MRTFA: variants seen among roughly 807,000 people sequenced by gnomAD.
MRTFA encodes myocardin related transcription factor A, also known as myocardin-related transcription factor A.
Under a neutral mutation model 83.5 loss-of-function variants are expected in MRTFA, and 20 were observed. The observed-to-expected ratio is 0.24, with a 90% CI of 0.17 to 0.35. The LOEUF is 0.35. MRTFA is among the 10% of genes least tolerant of loss of function. The pLI is 1.00. For synonymous variants in MRTFA, 659 were observed against 541.2 expected (o/e 1.22, Z -3.02); for missense variants, 1,200 against 1,224.7 (o/e 0.98, Z 0.30).
intron 4 of MRTFA, among the ~76,000 whole-genome samples, chr22:40,458,926 T>G (rs1208773162): frequency 6.6e-6 from 1 of 151,790 alleles, no homozygotes; most frequent in African/African-American, 2.4e-5. Flanking sequence ...ATACAAAAAT[T>G]AGCTGGGTAT....
intron 3 of MRTFA, among the ~76,000 whole-genome samples, chr22:40,539,775 T>C (rs2055256774): frequency 6.6e-6 from 1 of 152,160 alleles, no homozygotes; most frequent in Admixed American, 6.5e-5. Context: ...GTGCTGGGAT[T>C]ACAGGCACGA....
intron 7 of MRTFA, among the ~76,000 whole-genome samples, chr22:40,425,130 G>A (rs1489953974): frequency 1.3e-5 from 2 of 152,252 alleles, no homozygotes; most frequent in Non-Finnish European, 2.9e-5. Context: ...AGCTCTGGAT[G>A]ACTGTGAATG....
chr22:40,453,385 G>A (rs1384022977), intron 4 of MRTFA, among the ~76,000 whole-genome samples: 7 of 152,206 alleles, frequency 4.6e-5, no homozygotes, highest in African/African-American at 7.2e-5. Flanking sequence ...GCGGGAGTCC[G>A]AGGGCACTGA....
At chr22:40,447,925 C>T (rs761385022) in intron 4 of MRTFA, among the ~76,000 whole-genome samples, 11 of 152,098 alleles carry the variant, frequency 7.2e-5, no homozygotes, top group Non-Finnish European at 1.2e-4. Flanking sequence ...GTGATATGCC[C>T]GGTGTGGTTG....
intron 3 of MRTFA, among the ~76,000 whole-genome samples, chr22:40,524,967 C>G (rs2054940306): frequency 6.6e-6 from 1 of 152,118 alleles, no homozygotes; most frequent in Admixed American, 6.5e-5. Context: ...GCCACCACAC[C>G]CAGCTAATTT....
At chr22:40,573,502 G>A (rs1361688229) in intron 2 of MRTFA, among the ~76,000 whole-genome samples, 5 of 152,180 alleles carry the variant, frequency 3.3e-5, no homozygotes. Context: ...TGATCTGCCT[G>A]CCTTAGCCTC....
chr22:40,617,119 A>T (rs2056457842), intron 1 of MRTFA, among the ~76,000 whole-genome samples: 1 of 144,564 alleles, frequency 6.9e-6, no homozygotes, highest in Non-Finnish European at 1.5e-5. Flanking sequence ...GAAAAGCAAG[A>T]CGAAAGAAAG....
At chr22:40,634,598 CTG>C (rs1315419331) in intron 1 of MRTFA, among the ~76,000 whole-genome samples, 1 of 152,214 alleles carries the variant, frequency 6.6e-6, no homozygotes, top group Non-Finnish European at 1.5e-5. Flanking sequence ...TCCCACTAGA[CTG>C]TGAGCTCCTC....
intron 1 of MRTFA, among the ~76,000 whole-genome samples, chr22:40,613,425 T>C (rs2056410008): frequency 6.6e-6 from 1 of 152,232 alleles, no homozygotes; most frequent in African/African-American, 2.4e-5. Context: ...CTTTCCAAAG[T>C]GGCTGTACCA....
At chr22:40,627,509 C>T (rs535755785) in intron 1 of MRTFA, among the ~76,000 whole-genome samples, 5 of 152,322 alleles carry the variant, frequency 3.3e-5, no homozygotes, top group African/African-American at 9.6e-5. Context: ...ATAATGAATA[C>T]CGCACAGAAT....
At chr22:40,528,678 G>A (rs566423236) in intron 3 of MRTFA, among the ~76,000 whole-genome samples, 1 of 151,266 alleles carries the variant, frequency 6.6e-6, no homozygotes, top group African/African-American at 2.4e-5. Context: ...TGGAGGCTGC[G>A]GTGAGCCGAG....
In MRTFA at chr22:40,431,461, C is replaced by T. The variant is rs867777031; in HGVS notation, c.383G>A (p.Arg128Gln). ...TCTCTCCGGCCGGGAACGAATCTTC[C>T]GTTTGAGATAGTCCTCTGTCTACAG... The change falls in exon 6 of 15, where the codon CGG becomes CAG. Residue 128 changes from arginine to glutamine, a missense_variant. Physicochemically the swap from Arg to Gln is conservative, Grantham distance 43 (BLOSUM62 1). Around this residue, in one of 2 missense-constraint regions of MRTFA, gnomAD observed 93 missense variants for 182.9 expected, o/e 0.51. Coordinates refer to ENST00000355630, the MANE Select transcript of MRTFA (RefSeq NM_020831.6). 3.7e-6 allele frequency: 6 copies of T among 1,613,892 alleles called. No homozygotes were observed. The African/African-American group carries it at 5.3e-5, about 14-fold the overall frequency.
rs949591139 is a variant in MRTFA, at chr22:40,410,291, G to GTGTT, written c.*1095_*1098dup. On this transcript the variant is annotated 3_prime_UTR_variant, in exon 15 of 15. Coordinates refer to ENST00000355630, the MANE Select transcript of MRTFA (RefSeq NM_020831.6). ...CTGAATAAGATGGACTAACAGGCCT[G>GTGTT]TGTTTTTGTGTTTATTTTAAAAAGT... is the stretch of plus-strand genomic sequence containing the variant. The GTGTT allele has an allele frequency of 4.3e-5, 24 of 561,582 alleles. No homozygotes were observed. The highest frequency in any genetic ancestry group is 3.7e-4 in the African/African-American group (19 of 51,126). 34.8% of individuals were successfully genotyped at this position (561,582 alleles called of 1,614,324 possible). A position where few individuals can be genotyped will look rare whatever the true frequency, so the allele number is the denominator to read the frequency against.
chr22:40,459,816 C>CAT (rs1360700440), intron 4 of MRTFA, among the ~76,000 whole-genome samples: 14 of 94,350 alleles, frequency 1.5e-4, no homozygotes, highest in South Asian at 8.6e-4. Flanking sequence ...CACACACACA[C>CAT]ACACACATAT....
At chr22:40,428,475 CAA>C (rs1171030331) in intron 7 of MRTFA, among the ~76,000 whole-genome samples, 1 of 152,168 alleles carries the variant, frequency 6.6e-6, no homozygotes, top group Non-Finnish European at 1.5e-5. Flanking sequence ...CCAAGTGTGC[CAA>C]GAGGCCCTGC....
intron 3 of MRTFA, among the ~76,000 whole-genome samples, chr22:40,486,392 G>C (rs994861764): frequency 5.3e-5 from 8 of 152,186 alleles, no homozygotes; most frequent in African/African-American, 1.9e-4. Context: ...TTTATTCAAT[G>C]AATCTAATTA....
chr22:40,549,555 G>A (rs2047665854), intron 3 of MRTFA, among the ~76,000 whole-genome samples: 1 of 152,176 alleles, frequency 6.6e-6, no homozygotes. Context: ...TGAGCAAGGG[G>A]AAGGGAGTAT....
rs1428333070 is a variant in MRTFA, at chr22:40,471,221, A to T, written c.242-7935T>A. On this transcript the variant is annotated intron_variant, in intron 3 of 14. Transcript: ENST00000355630. ...ACATGACAAAGCCCTGTTTCTATTA[A>T]AAAAAAAAAAAAAAAAAAAAAAAAA... 7.0e-3 allele frequency among the ~76,000 whole-genome samples: 62 copies of T among 8,884 alleles called. 2 individuals carry two copies. In the East Asian group the frequency reaches 0.091, roughly 13 times the overall value. 5.8% of individuals were successfully genotyped at this position (8,884 alleles called of 152,430 possible).
chr22:40,419,250 G>A lies in MRTFA; in HGVS notation c.1488C>T (p.Ala496=). ...CGCCAGCCTTGTGCAGGATAGAGGT[G>A]GCGGCAGGGGCCTTGGGGGCTCCTG... The change falls in exon 12 of 15, where the codon GCC becomes GCT. Residue 496 remains alanine, a synonymous_variant. Transcript: ENST00000355630. 1 of 1,611,984 alleles carries A rather than the reference G, an allele frequency of 6.2e-7. No homozygotes were observed. Among genetic ancestry groups the A allele is most frequent in the Non-Finnish European group, 8.5e-7 (1 of 1,179,194 alleles).
Sources: gnomAD v4.1 joint callset for allele counts (sites outside exome capture counted in the v4.1 genomes callset) on GRCh38, gnomAD v4.1.1 for gene constraint, gnomAD v4.1.1 regional missense constraint, MANE v1.5 for transcripts, NCBI Gene and HGNC (gene_info 2026-07-23, HGNC 2026-07-21) for gene names.